Variants in LARGE1 observed in about 807,000 individuals in gnomAD.
LARGE1 encodes the protein xylosyl- and glucuronyltransferase LARGE1.
LARGE1 carries 43 observed loss-of-function variants against 87.6 expected under a neutral mutation model. That is an observed-to-expected ratio of 0.49 (90% CI 0.38 to 0.63). The LOEUF is 0.63. LARGE1 is among the 30% of genes least tolerant of loss of function. LARGE1 has a pLI of 0.00. For synonymous variants in LARGE1, 434 were observed against 394.6 expected (o/e 1.10, Z -1.18); for missense variants, 802 against 1,000.2 (o/e 0.80, Z 2.67).
chr22:33,387,439 A>G (rs1232788416), intron 7 of LARGE1, among the ~76,000 whole-genome samples: 17 of 151,248 alleles, frequency 1.1e-4, no homozygotes, highest in African/African-American at 3.2e-4. Flanking sequence ...AAAAAAAAAA[A>G]AAAAAAAGAA....
At chr22:33,805,813 T>A (rs5999108) in intron 1 of LARGE1, among the ~76,000 whole-genome samples, 1 of 151,920 alleles carries the variant, frequency 6.6e-6, no homozygotes, top group South Asian at 2.1e-4. Flanking sequence ...ATACCTAACA[T>A]GTCCTATTTC....
intron 7 of LARGE1, among the ~76,000 whole-genome samples, chr22:33,397,329 G>A (rs971336581): frequency 3.9e-4 from 59 of 152,126 alleles, no homozygotes; most frequent in African/African-American, 1.3e-3. Flanking sequence ...TGGTCAGGCT[G>A]GTCTCGAACT....
intron 11 of LARGE1, among the ~76,000 whole-genome samples, chr22:33,312,104 C>T (rs972409330): frequency 2.0e-5 from 3 of 152,126 alleles, no homozygotes; most frequent in African/African-American, 7.2e-5. Flanking sequence ...CTCATCTGAT[C>T]TTTGTAACAA....
chr22:33,247,118 G>T (rs1464045081), intron 11 of LARGE1, among the ~76,000 whole-genome samples: 1 of 149,640 alleles, frequency 6.7e-6, no homozygotes, highest in Non-Finnish European at 1.5e-5. Flanking sequence ...GTTAAGAAAA[G>T]GTCAGTGAAT....
intron 6 of LARGE1, among the ~76,000 whole-genome samples, chr22:33,524,102 C>A (rs915698896): frequency 6.6e-6 from 1 of 152,092 alleles, no homozygotes; most frequent in Non-Finnish European, 1.5e-5. Flanking sequence ...ATCAGCCTGA[C>A]TGACACGGTG....
intron 1 of LARGE1, among the ~76,000 whole-genome samples, chr22:33,791,388 T>C (rs1259098297): frequency 1.3e-5 from 2 of 152,182 alleles, no homozygotes; most frequent in African/African-American, 2.4e-5. Context: ...GTAATTTCCA[T>C]GGATTATAAT....
chr22:33,427,482 C>T (rs912142720), intron 7 of LARGE1, among the ~76,000 whole-genome samples: 9 of 152,112 alleles, frequency 5.9e-5, no homozygotes, highest in Middle Eastern at 3.4e-3. Context: ...ACAAAGAGAA[C>T]GGGGGAAACT....
intron 6 of LARGE1, among the ~76,000 whole-genome samples, chr22:33,485,046 G>C (rs530876738): frequency 3.2e-4 from 48 of 151,026 alleles, no homozygotes; most frequent in African/African-American, 1.1e-3. Flanking sequence ...TGAGTAGCTG[G>C]GATTACAGGT....
At chr22:33,883,853 C>G (rs528594342) in intron 1 of LARGE1, among the ~76,000 whole-genome samples, 1 of 152,334 alleles carries the variant, frequency 6.6e-6, no homozygotes, top group African/African-American at 2.4e-5. Context: ...ACACACACTC[C>G]ACCCTCCCTC....
In LARGE1 at chr22:33,382,018, T is replaced by C. The variant is rs1283193742; in HGVS notation, c.1032A>G (p.Gln344=). ...GGAGCTGGTACACAAGGAAGGGGTT[T>C]TGTTTGATGACGGCATTGAAAATAT... ...DQDIFNAVIK[Q]NPFLVYQLPC... is the part of the protein sequence containing the mutation. Residue 344 remains glutamine, a synonymous_variant, in exon 9 of 15, where the codon CAA becomes CAG. Coordinates refer to ENST00000397394, the MANE Select transcript of LARGE1 (RefSeq NM_133642.5). 1.2e-6 allele frequency: 2 copies of C among 1,614,106 alleles called. No individual in the cohort carries two copies. The highest frequency in any genetic ancestry group is 1.7e-6 in the Non-Finnish European group (2 of 1,180,004).
chr22:33,883,390 C>T (rs1221719967), intron 1 of LARGE1, among the ~76,000 whole-genome samples: 1 of 152,192 alleles, frequency 6.6e-6, no homozygotes, highest in Non-Finnish European at 1.5e-5. Context: ...TTTCTCAAAG[C>T]CTTCCAGTAC....
At chr22:33,668,133 G>C (rs372640628) in intron 2 of LARGE1, among the ~76,000 whole-genome samples, 1 of 152,140 alleles carries the variant, frequency 6.6e-6, no homozygotes, top group African/African-American at 2.4e-5. Context: ...ATATTTCACT[G>C]CTTTATGGAA....
At chr22:33,753,320 G>C (rs1211282443) in intron 2 of LARGE1, among the ~76,000 whole-genome samples, 1 of 152,182 alleles carries the variant, frequency 6.6e-6, no homozygotes, top group African/African-American at 2.4e-5. Flanking sequence ...GTTAGCATCA[G>C]AGAGAAAGAT....
chr22:33,467,026 G>T (rs2148064996), intron 6 of LARGE1, among the ~76,000 whole-genome samples: 1 of 152,222 alleles, frequency 6.6e-6, no homozygotes, highest in South Asian at 2.1e-4. Context: ...TGGGTAACAA[G>T]AGCAAAACTC....
At chr22:33,549,309 G>GA (rs992246705) in intron 6 of LARGE1, among the ~76,000 whole-genome samples, 3 of 152,040 alleles carry the variant, frequency 2.0e-5, no homozygotes, top group East Asian at 1.9e-4. Context: ...CATTTAGGAG[G>GA]AAAAAAAAGT....
intron 1 of LARGE1, among the ~76,000 whole-genome samples, chr22:33,805,054 C>G (rs1386763213): frequency 1.3e-5 from 2 of 152,160 alleles, no homozygotes; most frequent in Non-Finnish European, 2.9e-5. Context: ...GCAATCTTCC[C>G]AGTTAGAATA....
downstream of LARGE1, among the ~76,000 whole-genome samples, chr22:33,269,322 G>A (rs1346464661): frequency 5.9e-5 from 9 of 152,192 alleles, no homozygotes; most frequent in Non-Finnish European, 1.2e-4. Flanking sequence ...CCGTTTCTGT[G>A]AAAGTCTTAA....
At chr22:33,339,228 T>C (rs1601511963) in intron 9 of LARGE1, among the ~76,000 whole-genome samples, 1 of 149,488 alleles carries the variant, frequency 6.7e-6, no homozygotes, top group Non-Finnish European at 1.5e-5. Flanking sequence ...AAGAAGAAGA[T>C]GCTTGTGCTG....
intron 5 of LARGE1, among the ~76,000 whole-genome samples, chr22:33,584,367 A>G (rs1042442968): frequency 3.3e-5 from 5 of 152,162 alleles, no homozygotes; most frequent in African/African-American, 1.2e-4. Flanking sequence ...TGGAAATCAC[A>G]GTGGCCCCCA....
Sources: allele counts gnomAD v4.1 joint callset (sites outside exome capture counted in the v4.1 genomes callset), GRCh38; gene constraint gnomAD v4.1.1; transcripts MANE v1.5; gene names NCBI Gene and HGNC (gene_info 2026-07-23, HGNC 2026-07-21).